Variants in NCOA7 observed in about 807,000 individuals in gnomAD.
The protein encoded by NCOA7 is nuclear receptor coactivator 7, also known as 140 kDa estrogen receptor-associated protein.
NCOA7 carries 45 observed loss-of-function variants against 104.3 expected under a neutral mutation model. The ratio of observed to expected loss-of-function variants is 0.43; its 90% CI spans 0.34 to 0.55. The LOEUF (loss-of-function observed/expected upper bound fraction) is 0.55. NCOA7 is among the 20% of genes least tolerant of loss of function. NCOA7 has a pLI of 0.02. For missense variants in NCOA7, 1,041 were observed against 1,119.7 expected, an observed-to-expected ratio of 0.93 and a Z score of 1.00; for synonymous variants, 398 against 402.3, an observed-to-expected ratio of 0.99 and a Z score of 0.13.
intron 2 of NCOA7, among the ~76,000 whole-genome samples, chr6:125,834,236 T>C (rs1431277718): frequency 6.6e-6 from 1 of 152,194 alleles, no homozygotes; most frequent in Non-Finnish European, 1.5e-5. Context: ...AAATCATCAC[T>C]AGAGAAAACT....
intron 8 of NCOA7, among the ~76,000 whole-genome samples, chr6:125,886,534 C>A (rs1467957955): frequency 6.6e-6 from 1 of 152,084 alleles, no homozygotes; most frequent in Non-Finnish European, 1.5e-5. Context: ...GGGATAATGC[C>A]ATGATTACAG....
At chr6:125,852,836 T>TGGGTAATGTGATGTC (rs933824896) in intron 2 of NCOA7, among the ~76,000 whole-genome samples, 1 of 152,068 alleles carries the variant, frequency 6.6e-6, no homozygotes, top group African/African-American at 2.4e-5. Flanking sequence ...AATTTGAAGT[T>TGGGTAATGTGATGTC]GGGTAATGTG....
intron 5 of NCOA7, among the ~76,000 whole-genome samples, chr6:125,879,492 T>A (rs17840292): frequency 0.37 from 56,169 of 152,046 alleles, 12,413 homozygotes; most frequent in African/African-American, 0.63. Context: ...TTTTAGTAGT[T>A]ATCAGTCCTC....
chr6:125,915,205 G>A, intron 10 of NCOA7, 128 bp from the exon 11 acceptor site: 1 of 1,175,088 alleles, frequency 8.5e-7, no homozygotes, highest in Non-Finnish European at 1.2e-6. Flanking sequence ...CTTGATAATG[G>A]GAAATTTTCA....
intron 1 of NCOA7, among the ~76,000 whole-genome samples, chr6:125,793,471 G>T (rs974993547): frequency 6.6e-6 from 1 of 152,130 alleles, no homozygotes; most frequent in African/African-American, 2.4e-5. Flanking sequence ...GATTTGAAGA[G>T]GTATTTTTCT....
intron 4 of NCOA7, 64 bp from the exon 5 acceptor site, chr6:125,878,199 A>C (rs1170292431): frequency 1.1e-6 from 1 of 926,766 alleles, no homozygotes; most frequent in Non-Finnish European, 1.6e-6. Context: ...ATAAATTAAT[A>C]GTATCTATCA....
At chr6:125,907,326 C>T (rs901962756) in intron 10 of NCOA7, among the ~76,000 whole-genome samples, 3 of 152,274 alleles carry the variant, frequency 2.0e-5, no homozygotes, top group East Asian at 3.9e-4. Flanking sequence ...AAGGTTTGGG[C>T]GACTCTAGTG....
chr6:125,825,537 C>G (rs1367978320), intron 2 of NCOA7, among the ~76,000 whole-genome samples: 1 of 152,150 alleles, frequency 6.6e-6, no homozygotes, highest in Non-Finnish European at 1.5e-5. Context: ...CGATTTAGAG[C>G]TAGAAGAGCT....
intron 2 of NCOA7, among the ~76,000 whole-genome samples, chr6:125,833,766 A>C (rs530961688): frequency 3.3e-5 from 5 of 152,298 alleles, no homozygotes; most frequent in African/African-American, 1.2e-4. Context: ...TTCTAATAAA[A>C]GGAGTCAGGT....
intron 11 of NCOA7, among the ~76,000 whole-genome samples, chr6:125,919,752 A>G (rs560805872): frequency 8.4e-4 from 128 of 152,328 alleles, no homozygotes; most frequent in Non-Finnish European, 1.2e-3. Context: ...CACTACGGAA[A>G]CACTCCCCCA....
intron 2 of NCOA7, among the ~76,000 whole-genome samples, chr6:125,819,723 C>T (rs1263889632): frequency 6.6e-6 from 1 of 152,176 alleles, no homozygotes; most frequent in Non-Finnish European, 1.5e-5. Flanking sequence ...TCATTTGTTA[C>T]ACCCCTGCTG....
At chr6:125,806,623 C>G (rs981779533) in intron 1 of NCOA7, among the ~76,000 whole-genome samples, 9 of 152,130 alleles carry the variant, frequency 5.9e-5, no homozygotes, top group Admixed American at 5.9e-4. Flanking sequence ...GGGAAGGGCG[C>G]TACTGGCATT....
rs1475843566 is a variant in NCOA7, at chr6:125,915,384, A to G, written c.2148A>G (p.Gly716=). The G allele has an allele frequency of 5.6e-6, 9 of 1,613,848 alleles. No homozygotes were observed. Among genetic ancestry groups the G allele is most frequent in the Non-Finnish European group, 6.8e-6 (8 of 1,179,816 alleles). The change falls in exon 11 of 16, where the codon GGA becomes GGG. Residue 716 remains glycine, a synonymous_variant. Coordinates refer to ENST00000392477, the MANE Select transcript of NCOA7 (RefSeq NM_181782.5). The part of the protein sequence containing the change: ...FFVQWSPDVY[G]KDAKEQGFVV... ...TTCAGTGGTCTCCCGATGTCTATGG[A>G]AAAGATGCCAAAGAGCAAGGCTTTG... is the stretch of plus-strand genomic sequence containing the variant.
At chr6:125,901,396 G>C (rs1411501361) in intron 10 of NCOA7, among the ~76,000 whole-genome samples, 1 of 152,168 alleles carries the variant, frequency 6.6e-6, no homozygotes, top group Non-Finnish European at 1.5e-5. Flanking sequence ...TACGTTTGTT[G>C]GTTTACAACA....
intron 10 of NCOA7, among the ~76,000 whole-genome samples, chr6:125,914,006 C>T (rs984989510): frequency 1.1e-4 from 16 of 152,210 alleles, no homozygotes; most frequent in Admixed American, 6.5e-4. Flanking sequence ...GCAATGCTGA[C>T]GTCACAGCAA....
intron 2 of NCOA7, among the ~76,000 whole-genome samples, chr6:125,826,759 A>G (rs148964776): frequency 9.3e-4 from 141 of 152,300 alleles, no homozygotes; most frequent in African/African-American, 3.0e-3. Flanking sequence ...CTTTAACACA[A>G]TGTCACAGAC....
rs771757013 is a variant in NCOA7, at chr6:125,863,034, A to C, written c.271+7794A>C. 1.5e-4 allele frequency among the ~76,000 whole-genome samples: 21 copies of C among 139,312 alleles called. 2 individuals carry two copies. The highest frequency in any genetic ancestry group is 4.3e-4 in the South Asian group (2 of 4,650). The allele number at this position is 139,312 out of a possible 152,430, so 91.4% of individuals were successfully genotyped here. ...ACAAACAAAAAACCCTACTTTACTT[A>C]AAAACTAAAAATATTAAAAATATGG... On this transcript the variant is annotated intron_variant, in intron 3 of 15. Coordinates refer to ENST00000392477, the MANE Select transcript of NCOA7 (RefSeq NM_181782.5).
chr6:125,908,667 G>A (rs1454982792), intron 10 of NCOA7, among the ~76,000 whole-genome samples: 1 of 152,106 alleles, frequency 6.6e-6, no homozygotes, highest in African/African-American at 2.4e-5. Flanking sequence ...ATGGGTTGTA[G>A]GAATGATGAG....
Position 125,830,755 on chromosome 6 carries a change from GTGTGTA to G in NCOA7, c.50+15357_50+15362del, listed in dbSNP as rs1212851912. 6.0e-4 allele frequency among the ~76,000 whole-genome samples: 89 copies of G among 147,972 alleles called. 1 individual carries two copies. The highest frequency in any genetic ancestry group is 4.0e-3 in the South Asian group (19 of 4,702). ...TATATATATGTGTGTGTGTGTGTGTGTGTGTATGTGTGTGTGTGTGTGTGTGTATAG... is the reference window on the plus strand; with the variant it reads ...TATATATATGTGTGTGTGTGTGTGTGTGTGTGTGTGTGTGTGTGTGTATAG... On this transcript the variant is annotated intron_variant, in intron 2 of 15. Transcript: ENST00000392477.
Sources: allele counts gnomAD v4.1 joint callset (sites outside exome capture counted in the v4.1 genomes callset), GRCh38; gene constraint gnomAD v4.1.1; transcripts MANE v1.5; gene names NCBI Gene and HGNC (gene_info 2026-07-23, HGNC 2026-07-21).